The following PIK3C2G variants were observed in gnomAD, a reference collection of about 807,000 sequenced individuals.
PIK3C2G encodes the protein phosphatidylinositol-4-phosphate 3-kinase catalytic subunit type 2 gamma.
Under a neutral mutation model 181.1 loss-of-function variants are expected in PIK3C2G, and 168 were observed. The observed-to-expected ratio is 0.93, with a 90% confidence interval of 0.82 to 1.05. The LOEUF is 1.05. Among genes scored for constraint, PIK3C2G ranks in the 50% least tolerant of loss-of-function variants. The pLI, the probability that PIK3C2G is intolerant of heterozygous loss-of-function variation, is 0.00. For missense variants in PIK3C2G, 1,869 were observed against 1,732.8 expected (o/e 1.08, Z -1.40); for synonymous variants, 573 against 592.2 (o/e 0.97, Z 0.47).
intron 29 of PIK3C2G, among the ~76,000 whole-genome samples, chr12:18,577,824 T>A (rs1565526308): frequency 6.6e-6 from 1 of 152,224 alleles, no homozygotes; most frequent in East Asian, 1.9e-4. Flanking sequence ...TTGCCCTTTC[T>A]GGACTACAAA....
intron 25 of PIK3C2G, among the ~76,000 whole-genome samples, chr12:18,540,250 T>G (rs888177256): frequency 1.3e-5 from 2 of 151,846 alleles, no homozygotes; most frequent in African/African-American, 4.8e-5. Flanking sequence ...GACCGAGGTA[T>G]CCAGCATTTC....
chr12:18,505,273 T>C lies in PIK3C2G; in HGVS notation c.3154-19T>C. 6.4e-7 allele frequency: 1 copy of C among 1,562,322 alleles called. No homozygotes were observed. Among genetic ancestry groups the C allele is most frequent in the African/African-American group, 1.4e-5 (1 of 73,680 alleles). ...ATTTTTTGTTGTTATTTTTGCATGATTGTTTTTCAATGAATTAGGCCTTGA... is the reference window on the plus strand; with the variant it reads ...ATTTTTTGTTGTTATTTTTGCATGACTGTTTTTCAATGAATTAGGCCTTGA... On this transcript the variant is annotated intron_variant, in intron 23 of 32. Coordinates refer to ENST00000538779, the MANE Select transcript of PIK3C2G (RefSeq NM_001288772.2).
upstream of PIK3C2G, chr12:18,261,413 T>C (rs541456985): frequency 2.6e-5 from 4 of 152,166 alleles, no homozygotes; most frequent in African/African-American, 4.8e-5. Context: ...CAGGGTTTGA[T>C]GGAAAATAGA....
At chr12:18,648,701 C>T (rs1176100424), downstream of PIK3C2G, among the ~76,000 whole-genome samples, 4 of 152,062 alleles carry the variant, frequency 2.6e-5, no homozygotes, top group African/African-American at 9.7e-5. Flanking sequence ...AGATCTCAAA[C>T]TCTGAAACTC....
chr12:18,401,859 A>C (rs905065787), intron 16 of PIK3C2G, among the ~76,000 whole-genome samples: 25 of 152,254 alleles, frequency 1.6e-4, no homozygotes, highest in African/African-American at 6.0e-4. Flanking sequence ...AAAGATACAA[A>C]AAGGACAAAA....
intron 31 of PIK3C2G, among the ~76,000 whole-genome samples, chr12:18,630,119 A>G (rs1486634069): frequency 6.6e-6 from 1 of 152,138 alleles, no homozygotes; most frequent in Non-Finnish European, 1.5e-5. Flanking sequence ...AGTAAAGAAT[A>G]AGATGAAGGG....
intron 18 of PIK3C2G, among the ~76,000 whole-genome samples, chr12:18,453,090 C>T (rs1947452528): frequency 6.6e-6 from 1 of 152,056 alleles, no homozygotes; most frequent in Admixed American, 6.5e-5. Flanking sequence ...TTTGCTTGGT[C>T]CAGAGCTGAG....
intron 25 of PIK3C2G, among the ~76,000 whole-genome samples, chr12:18,543,670 T>G (rs1322158858): frequency 2.6e-5 from 4 of 151,990 alleles, no homozygotes; most frequent in African/African-American, 9.7e-5. Flanking sequence ...TGCTTGTTTT[T>G]GTCAGCTTAG....
At chr12:18,705,171 G>A in the PIK3C2G span, 3 of 1,613,824 alleles carry the variant, frequency 1.9e-6, no homozygotes, top group Non-Finnish European at 2.5e-6. Flanking sequence ...GTTACCTCTG[G>A]TGATGGTAGA....
At chr12:18,317,011 CTTTTTTTTTT>C (rs756099726) in intron 6 of PIK3C2G, among the ~76,000 whole-genome samples, 7 of 117,196 alleles carry the variant, frequency 6.0e-5, no homozygotes, top group African/African-American at 2.4e-4. Flanking sequence ...AGTCTTGATT[CTTTTTTTTTT>C]TTTTTTTTTT....
chr12:18,723,265 A>T, the PIK3C2G span: 2 of 1,499,404 alleles, frequency 1.3e-6, no homozygotes, highest in Admixed American at 3.9e-5. Context: ...AAGAAAAAAT[A>T]CTTCACATAT....
intron 31 of PIK3C2G, among the ~76,000 whole-genome samples, chr12:18,620,461 A>G (rs779239629): frequency 1.5e-4 from 23 of 152,034 alleles, no homozygotes; most frequent in Non-Finnish European, 2.8e-4. Context: ...TTCTTAACCT[A>G]TTTGTGTCTT....
chr12:18,442,839 G>A (rs939291125), intron 18 of PIK3C2G, among the ~76,000 whole-genome samples: 4 of 151,386 alleles, frequency 2.6e-5, no homozygotes, highest in African/African-American at 4.9e-5. Context: ...TGAATCATTC[G>A]GTCTACAAGT....
intron 18 of PIK3C2G, among the ~76,000 whole-genome samples, chr12:18,447,249 C>T (rs1273126460): frequency 1.3e-5 from 2 of 152,078 alleles, no homozygotes; most frequent in Non-Finnish European, 2.9e-5. Context: ...GCCCTTTTTG[C>T]TTGTGCCCAG....
At chr12:18,505,776 A>T (rs1457792583) in intron 24 of PIK3C2G, among the ~76,000 whole-genome samples, 1 of 152,224 alleles carries the variant, frequency 6.6e-6, no homozygotes, top group Non-Finnish European at 1.5e-5. Context: ...ACAATGAGGT[A>T]TGAATTGATG....
At chr12:18,323,184 T>G (rs989822204) in intron 7 of PIK3C2G, among the ~76,000 whole-genome samples, 2 of 152,094 alleles carry the variant, frequency 1.3e-5, no homozygotes, top group Non-Finnish European at 2.9e-5. Context: ...CAGTGTGCAG[T>G]TGCAGGGGTC....
At chr12:18,426,518 G>C (rs1368365561) in intron 18 of PIK3C2G, among the ~76,000 whole-genome samples, 1 of 151,826 alleles carries the variant, frequency 6.6e-6, no homozygotes, top group African/African-American at 2.4e-5. Flanking sequence ...TGTTAACCTT[G>C]TTGATTCAAT....
intron 24 of PIK3C2G, among the ~76,000 whole-genome samples, chr12:18,517,361 T>TGCG (rs1942619342): frequency 1.3e-5 from 2 of 152,210 alleles, no homozygotes; most frequent in African/African-American, 4.8e-5. Context: ...TTTCTATCCA[T>TGCG]GAGGATGGGA....
chr12:18,666,346 G>A, the PIK3C2G span, among the ~76,000 whole-genome samples: 1 of 151,914 alleles, frequency 6.6e-6, no homozygotes, highest in East Asian at 1.9e-4. Context: ...CTGTCTACAA[G>A]ACACTCCTTA....
Sources: gnomAD v4.1 joint callset for allele counts (sites outside exome capture counted in the v4.1 genomes callset) on GRCh38, gnomAD v4.1.1 for gene constraint, MANE v1.5 for transcripts, NCBI Gene and HGNC (gene_info 2026-07-23, HGNC 2026-07-21) for gene names.